HEMK2: variants seen among roughly 807,000 people sequenced by gnomAD.
HEMK2 encodes methyltransferase HEMK2.
chr21:28,823,485 G>T, the HEMK2 span, among the ~76,000 whole-genome samples: 1 of 152,298 alleles, frequency 6.6e-6, no homozygotes, highest in African/African-American at 2.4e-5. Context: ...TTTTGTTGTT[G>T]TTGTTTAAAG....
chr21:28,590,674 G>A, the HEMK2 span, among the ~76,000 whole-genome samples: 1 of 152,204 alleles, frequency 6.6e-6, no homozygotes, highest in Non-Finnish European at 1.5e-5. Flanking sequence ...TGAAGCAGCA[G>A]GGAAATTTAT....
chr21:28,635,283 T>C, the HEMK2 span, among the ~76,000 whole-genome samples: 1 of 152,006 alleles, frequency 6.6e-6, no homozygotes, highest in African/African-American at 2.4e-5. Flanking sequence ...TTGTATTTTT[T>C]AGTAAAGACA....
At chr21:28,831,670 A>AAG in the HEMK2 span, among the ~76,000 whole-genome samples, 1 of 56,582 alleles carries the variant, frequency 1.8e-5, no homozygotes, top group Non-Finnish European at 3.3e-5. Flanking sequence ...AAAGAAAGAA[A>AAG]GAAAGAAAGA....
At chr21:28,838,257 G>A in the HEMK2 span, among the ~76,000 whole-genome samples, 68 of 152,192 alleles carry the variant, frequency 4.5e-4, no homozygotes, top group African/African-American at 3.1e-4. Context: ...ACTACAGGAC[G>A]GGTGCGGTGG....
At chr21:28,664,234 T>C in the HEMK2 span, among the ~76,000 whole-genome samples, 1 of 152,212 alleles carries the variant, frequency 6.6e-6, no homozygotes, top group African/African-American at 2.4e-5. Context: ...CCACATGGAA[T>C]AGACACTTTG....
chr21:28,838,973 ATATATATATATAT>A, the HEMK2 span, among the ~76,000 whole-genome samples: 4 of 22,518 alleles, frequency 1.8e-4, no homozygotes, highest in African/African-American at 1.1e-3. Flanking sequence ...AAAAAAAAAA[ATATATATATATAT>A]ATATATATAT....
chr21:28,787,579 T>C, the HEMK2 span, among the ~76,000 whole-genome samples: 3 of 152,132 alleles, frequency 2.0e-5, no homozygotes, highest in East Asian at 5.8e-4. Context: ...TCAAAAGACA[T>C]ACAAATGGCC....
the HEMK2 span, among the ~76,000 whole-genome samples, chr21:28,589,158 G>T: frequency 6.6e-6 from 1 of 152,096 alleles, no homozygotes; most frequent in South Asian, 2.1e-4. Context: ...AGGCTGTTGA[G>T]GAGAGAGGAG....
the HEMK2 span, among the ~76,000 whole-genome samples, chr21:28,717,363 T>C: frequency 3.3e-5 from 5 of 152,174 alleles, no homozygotes; most frequent in Non-Finnish European, 7.4e-5. Flanking sequence ...TGGTTGTGTC[T>C]TTCCAGGAAC....
chr21:28,586,723 T>C, the HEMK2 span, among the ~76,000 whole-genome samples: 1 of 152,314 alleles, frequency 6.6e-6, no homozygotes, highest in East Asian at 1.9e-4. Context: ...AATTTCTTGT[T>C]TACAGTTCTT....
chr21:28,683,704 C>T, the HEMK2 span, among the ~76,000 whole-genome samples: 1 of 151,550 alleles, frequency 6.6e-6, no homozygotes, highest in African/African-American at 2.4e-5. Context: ...CCAGTGTTAG[C>T]GATTATGAAA....
chr21:28,689,096 G>C, the HEMK2 span, among the ~76,000 whole-genome samples: 1 of 151,354 alleles, frequency 6.6e-6, no homozygotes, highest in East Asian at 2.0e-4. Context: ...AAGAAAAAAT[G>C]TAATGACAAT....
the HEMK2 span, among the ~76,000 whole-genome samples, chr21:28,667,850 T>C: frequency 2.0e-5 from 3 of 152,188 alleles, no homozygotes; most frequent in Non-Finnish European, 4.4e-5. Flanking sequence ...TAATAATCAC[T>C]ACCTCATAGA....
At chr21:28,653,200 G>GAAGGCTAAAACCCTCC in the HEMK2 span, among the ~76,000 whole-genome samples, 511 of 152,170 alleles carry the variant, frequency 3.4e-3, 2 homozygotes, top group African/African-American at 0.012. Flanking sequence ...TTTCCTGGGT[G>GAAGGCTAAAACCCTCC]AAGGCTAAAA....
At chr21:28,701,797 C>T in the HEMK2 span, among the ~76,000 whole-genome samples, 3 of 152,082 alleles carry the variant, frequency 2.0e-5, no homozygotes, top group African/African-American at 7.2e-5. Flanking sequence ...TATCAAACTA[C>T]CAATGACATT....
the HEMK2 span, among the ~76,000 whole-genome samples, chr21:28,630,125 A>G: frequency 6.6e-6 from 1 of 152,216 alleles, no homozygotes; most frequent in Admixed American, 6.5e-5. Flanking sequence ...AAGCTTTAAC[A>G]TATCTTAAGG....
chr21:28,818,567 T>C, the HEMK2 span, among the ~76,000 whole-genome samples: 4 of 152,154 alleles, frequency 2.6e-5, no homozygotes, highest in African/African-American at 4.8e-5. Flanking sequence ...CAAAGCACCT[T>C]GTGTTTTTCT....
At chr21:28,788,653 A>G in the HEMK2 span, among the ~76,000 whole-genome samples, 1 of 150,064 alleles carries the variant, frequency 6.7e-6, no homozygotes, top group African/African-American at 2.5e-5. Flanking sequence ...GCCAAATACC[A>G]CCTGTACCCC....
At chr21:28,714,987 C>T in the HEMK2 span, among the ~76,000 whole-genome samples, 1 of 152,166 alleles carries the variant, frequency 6.6e-6, no homozygotes, top group African/African-American at 2.4e-5. Context: ...TTTTTTATAG[C>T]TTTGTAACAT....
Sources: gnomAD v4.1 joint callset for allele counts (sites outside exome capture counted in the v4.1 genomes callset) on GRCh38, gnomAD v4.1.1 for gene constraint, MANE v1.5 for transcripts, NCBI Gene and HGNC (gene_info 2026-07-23, HGNC 2026-07-21) for gene names.